Variants in ENOX1 observed in about 807,000 individuals in gnomAD.
ENOX1 encodes the protein ecto-NOX disulfide-thiol exchanger 1, also known as candidate growth-related and time keeping constitutive hydroquinone (NADH) oxidase.
ENOX1 carries 42 observed loss-of-function variants against 82.5 expected under a neutral mutation model. The ratio of observed to expected loss-of-function variants is 0.51; its 90% CI spans 0.40 to 0.66. ENOX1 has a LOEUF of 0.66. ENOX1 is among the 30% of genes least tolerant of loss of function. ENOX1 has a pLI of 0.00. For missense variants in ENOX1, 608 were observed against 811.6 expected (o/e 0.75, Z 3.05); for synonymous variants, 271 against 282.2 (o/e 0.96, Z 0.40).
At chr13:43,651,944 T>C (rs1316994030) in intron 2 of ENOX1, among the ~76,000 whole-genome samples, 1 of 121,740 alleles carries the variant, frequency 8.2e-6, no homozygotes, top group Non-Finnish European at 1.6e-5. Flanking sequence ...CATCGCAGCC[T>C]GGGCAACAAG....
chr13:43,342,157 ATCT>A (rs2049102844), intron 9 of ENOX1, among the ~76,000 whole-genome samples: 1 of 152,164 alleles, frequency 6.6e-6, no homozygotes, highest in South Asian at 2.1e-4. Flanking sequence ...AGAGAGAAAC[ATCT>A]TCTACTTGTT....
At chr13:43,558,443 C>T (rs760679671) in intron 2 of ENOX1, among the ~76,000 whole-genome samples, 2 of 152,138 alleles carry the variant, frequency 1.3e-5, no homozygotes, top group Non-Finnish European at 1.5e-5. Flanking sequence ...GGATGGGCTA[C>T]CAGGTTGGAC....
chr13:43,570,956 T>C (rs2080151345), intron 2 of ENOX1, among the ~76,000 whole-genome samples: 1 of 152,196 alleles, frequency 6.6e-6, no homozygotes, highest in Non-Finnish European at 1.5e-5. Context: ...CATGTTTCTA[T>C]AAAGGGGAAA....
At position 43,603,539 on chromosome 13, in the gene ENOX1, C is replaced by T. The variant is rs9525808; in HGVS notation, c.-219+63940G>A. ...TCTCCTAATGCTATCCCTCCCCCCT[C>T]CCCCCACCCCACAACAGGCCCTGGT... On this transcript the variant is annotated intron_variant, in intron 2 of 16. Transcript: ENST00000690772. 3.7e-5 allele frequency among the ~76,000 whole-genome samples: 5 copies of T among 134,808 alleles called. No individual in the cohort carries two copies. The East Asian group carries it at 8.1e-4, about 22-fold the overall frequency. 88.4% of individuals were successfully genotyped at this position (134,808 alleles called of 152,430 possible).
chr13:43,359,329 T>C (rs1246866658), intron 7 of ENOX1, among the ~76,000 whole-genome samples: 2 of 152,150 alleles, frequency 1.3e-5, no homozygotes, highest in Admixed American at 1.3e-4. Context: ...CTAATCTCAG[T>C]ATCTGTAAAA....
At chr13:43,751,294 G>T (rs976346394) in intron 1 of ENOX1, among the ~76,000 whole-genome samples, 26 of 152,236 alleles carry the variant, frequency 1.7e-4, no homozygotes, top group African/African-American at 6.3e-4. Flanking sequence ...GCTTTTCTTG[G>T]ACTAACAGAA....
intron 1 of ENOX1, among the ~76,000 whole-genome samples, chr13:43,774,686 G>C (rs561123950): frequency 6.1e-4 from 93 of 152,130 alleles, no homozygotes; most frequent in Non-Finnish European, 1.2e-3. Context: ...GCAGAGGCAA[G>C]GGATGGCCTT....
intron 1 of ENOX1, among the ~76,000 whole-genome samples, chr13:43,761,377 T>C (rs1463743394): frequency 6.6e-6 from 1 of 152,230 alleles, no homozygotes; most frequent in East Asian, 1.9e-4. Context: ...CCACATGGAC[T>C]CATCACATTT....
In ENOX1 at chr13:43,414,368, T is replaced by G. The variant is rs150758312; in HGVS notation, c.-74-1380A>C. ...ATCATCATCATCCAACAGTGAATGA[T>G]TCTAACTTTGGAAGCAAATTGTACT... is the stretch of plus-strand genomic sequence containing the variant. On this transcript the variant is annotated intron_variant, in intron 3 of 16. Coordinates refer to ENST00000690772, the MANE Select transcript of ENOX1 (RefSeq NM_001347969.2). Among the ~76,000 whole-genome samples the G allele has an allele frequency of 1.9e-3, 283 of 152,314 alleles. 2 individuals carry two copies. The highest frequency in any genetic ancestry group is 5.5e-3 in the African/African-American group (229 of 41,572).
chr13:43,431,074 A>G (rs1387565729), intron 3 of ENOX1, among the ~76,000 whole-genome samples: 1 of 152,234 alleles, frequency 6.6e-6, no homozygotes, highest in Non-Finnish European at 1.5e-5. Context: ...AAAATAAGGA[A>G]ATAGAGTGGG....
At chr13:43,636,659 C>T (rs1353375603) in intron 2 of ENOX1, among the ~76,000 whole-genome samples, 2 of 150,756 alleles carry the variant, frequency 1.3e-5, no homozygotes, top group Non-Finnish European at 3.0e-5. Context: ...CCTTGTTTCA[C>T]AGAAATCCTG....
chr13:43,714,719 C>A (rs368860139), intron 1 of ENOX1, among the ~76,000 whole-genome samples: 2,364 of 151,978 alleles, frequency 0.016, 21 homozygotes, highest in African/African-American at 0.024. Flanking sequence ...CTGTTTTATC[C>A]GAGACTAGGA....
At chr13:43,276,496 G>T (rs1335265282) in intron 12 of ENOX1, among the ~76,000 whole-genome samples, 1 of 152,090 alleles carries the variant, frequency 6.6e-6, no homozygotes, top group Non-Finnish European at 1.5e-5. Flanking sequence ...AGCTTACTGT[G>T]TCTTCAGGTC....
chr13:43,278,110 C>G (rs999703543), intron 12 of ENOX1, among the ~76,000 whole-genome samples: 1 of 152,214 alleles, frequency 6.6e-6, no homozygotes, highest in Non-Finnish European at 1.5e-5. Context: ...ATAAAACTCT[C>G]CTTCCTCATA....
At chr13:43,535,460 A>G (rs1042503340) in intron 2 of ENOX1, among the ~76,000 whole-genome samples, 4 of 152,266 alleles carry the variant, frequency 2.6e-5, no homozygotes, top group Non-Finnish European at 2.9e-5. Flanking sequence ...CCTGCCTTCC[A>G]GTACCTCTCC....
At chr13:43,215,124 A>G (rs901856813) in intron 16 of ENOX1, among the ~76,000 whole-genome samples, 49 of 152,216 alleles carry the variant, frequency 3.2e-4, no homozygotes, top group African/African-American at 1.1e-3. Context: ...ATCACTGTAG[A>G]GATATCATTT....
In ENOX1 at chr13:43,359,993, T is replaced by C; in HGVS notation, c.447A>G (p.Leu149=). Residue 149 remains leucine, a synonymous_variant, in exon 7 of 17, where the codon TTA becomes TTG. Coordinates refer to ENST00000690772, the MANE Select transcript of ENOX1 (RefSeq NM_001347969.2). ...PGCKTVFVGG[L]PENATEEIIQ... ...TAATTTCCTCAGTAGCATTTTCTGG[T>C]AATCCTCCGACAAACACGGTCTTAC... The C allele has an allele frequency of 6.2e-7, 1 of 1,614,240 alleles. No individual in the cohort carries two copies. The highest frequency in any genetic ancestry group is 8.5e-7 in the Non-Finnish European group (1 of 1,180,034).
rs545085024 is a variant in ENOX1 at position 43,436,589 on chromosome 13, T to A, written c.-74-23601A>T. 3.9e-5 allele frequency among the ~76,000 whole-genome samples: 6 copies of A among 151,968 alleles called. No homozygotes were observed. In the East Asian group the frequency reaches 1.2e-3, roughly 29 times the overall value. ...CACAACCTTTCATGGCAGAGAAGAG[T>A]TATATAACAGCCTTGATATTGGCCA... On this transcript the variant is annotated intron_variant, in intron 3 of 16. Coordinates refer to ENST00000690772, the MANE Select transcript of ENOX1 (RefSeq NM_001347969.2).
chr13:43,293,691 A>G (rs144242590), intron 12 of ENOX1, among the ~76,000 whole-genome samples: 2 of 152,384 alleles, frequency 1.3e-5, no homozygotes, highest in African/African-American at 4.8e-5. Context: ...ACAAGATTGC[A>G]GAAGACATGC....
Sources: gnomAD v4.1 joint callset for allele counts (sites outside exome capture counted in the v4.1 genomes callset) on GRCh38, gnomAD v4.1.1 for gene constraint, MANE v1.5 for transcripts, NCBI Gene and HGNC (gene_info 2026-07-23, HGNC 2026-07-21) for gene names.